Variants in DEUP1 observed in about 807,000 individuals in gnomAD.
DEUP1 encodes the protein deuterosome assembly protein 1.
A neutral mutation model predicts 87.4 loss-of-function variants in DEUP1; 82 were observed. That is an observed-to-expected ratio of 0.94 (90% CI 0.78 to 1.13). The LOEUF (loss-of-function observed/expected upper bound fraction) is 1.13. Ranked by LOEUF, DEUP1 falls within the 50% of genes most tolerant of loss-of-function variation. The pLI is 0.00. For synonymous variants in DEUP1, 214 were observed against 222.7 expected (o/e 0.96, Z 0.35); for missense variants, 663 against 681.5 (o/e 0.97, Z 0.30).
At chr11:93,416,349 T>C (rs570989976) in intron 13 of DEUP1, among the ~76,000 whole-genome samples, 1 of 152,084 alleles carries the variant, frequency 6.6e-6, no homozygotes, top group South Asian at 2.1e-4. Context: ...ATAAAGGGGA[T>C]ATCACCACCG....
chr11:93,357,097 C>T, intron 4 of DEUP1, 54 bp downstream of exon 4: 1 of 1,082,454 alleles, frequency 9.2e-7, no homozygotes, highest in Non-Finnish European at 1.3e-6. Context: ...TTTTTTTTTA[C>T]CTGTAGAGTT....
chr11:93,380,765 T>A (rs1946269414), intron 7 of DEUP1, among the ~76,000 whole-genome samples: 1 of 152,138 alleles, frequency 6.6e-6, no homozygotes, highest in Admixed American at 6.5e-5. Context: ...AGTTTACCAA[T>A]ATTATTTTTT....
At chr11:93,355,591 T>C in intron 3 of DEUP1, 49 bp downstream of exon 3, 1 of 1,455,294 alleles carries the variant, frequency 6.9e-7, no homozygotes, top group South Asian at 1.3e-5. Context: ...GACTGTTACA[T>C]ATAGTATTCT....
chr11:93,430,454 C>T (rs1449295051), intron 13 of DEUP1, among the ~76,000 whole-genome samples: 1 of 152,078 alleles, frequency 6.6e-6, no homozygotes, highest in East Asian at 1.9e-4. Context: ...GGATGAGCCT[C>T]AAAAACATGT....
intron 2 of DEUP1, among the ~76,000 whole-genome samples, chr11:93,348,050 G>GT (rs1944446872): frequency 6.6e-6 from 1 of 152,072 alleles, no homozygotes; most frequent in African/African-American, 2.4e-5. Flanking sequence ...CAGAGATTCA[G>GT]TTTTTTCCTG....
At chr11:93,390,868 G>C (rs1244992389) in intron 9 of DEUP1, among the ~76,000 whole-genome samples, 2 of 152,176 alleles carry the variant, frequency 1.3e-5, no homozygotes, top group Non-Finnish European at 2.9e-5. Context: ...CAGATCACCA[G>C]GTCAGGAGTT....
chr11:93,416,557 A>G (rs1426203713), intron 13 of DEUP1, among the ~76,000 whole-genome samples: 3 of 151,834 alleles, frequency 2.0e-5, no homozygotes, highest in East Asian at 1.9e-4. Context: ...AACCAAAAAG[A>G]GTCCAGGACC....
chr11:93,402,807 AG>A (rs1302116521), intron 11 of DEUP1, among the ~76,000 whole-genome samples: 6 of 151,988 alleles, frequency 3.9e-5, no homozygotes, highest in Non-Finnish European at 1.5e-5. Context: ...CATATGTGGG[AG>A]CTGAAAATGT....
In DEUP1 at chr11:93,405,062, T is replaced by TTA. The variant is rs1555056980; in HGVS notation, c.1327-3169_1327-3168insTA. On this transcript the variant is annotated intron_variant, in intron 11 of 13. Coordinates refer to ENST00000298050, the MANE Select transcript of DEUP1 (RefSeq NM_181645.4). ...TTAATTACTTTAAACCAACATTGGA[T>TTA]AAAAAAAATCACAGATTAAATCTAA... Among the ~76,000 whole-genome samples the TTA allele has an allele frequency of 6.4e-3, 967 of 151,654 alleles. 4 individuals are homozygous for TTA. The highest frequency in any genetic ancestry group is 0.02 in the South Asian group (95 of 4,802).
chr11:93,415,480 C>G (rs1036715788), intron 13 of DEUP1, among the ~76,000 whole-genome samples: 2 of 151,964 alleles, frequency 1.3e-5, no homozygotes, highest in African/African-American at 4.8e-5. Flanking sequence ...TTTAAAACAT[C>G]TTTTCTATTG....
intron 12 of DEUP1, among the ~76,000 whole-genome samples, chr11:93,408,679 G>A (rs1040734180): frequency 5.3e-5 from 8 of 152,132 alleles, no homozygotes; most frequent in Admixed American, 1.3e-4. Context: ...GGAAGCTGAG[G>A]TGGTATACAA....
intron 12 of DEUP1, among the ~76,000 whole-genome samples, chr11:93,414,289 G>A (rs1376609653): frequency 2.6e-5 from 4 of 152,106 alleles, no homozygotes; most frequent in Non-Finnish European, 5.9e-5. Context: ...CAACGCAGGC[G>A]AATCACAAGG....
chr11:93,394,647 A>G lies in DEUP1; in HGVS notation c.1230A>G (p.Ala410=), dbSNP rs748577625. Residue 410 remains alanine (A), a synonymous_variant, in exon 10 of 14, where the codon GCA becomes GCG. Coordinates refer to ENST00000298050, the MANE Select transcript of DEUP1 (RefSeq NM_181645.4). The part of the protein sequence containing the change: ...MELEIKEKML[A]KQKVSDMKYK... ...TAGAAATAAAAGAAAAAATGTTAGC[A>G]AAACAAAAGGTATGCAAGCAGGCAG... The G allele has an allele frequency of 5.6e-6, 9 of 1,609,884 alleles. No homozygotes were observed. In the African/African-American group the frequency reaches 9.4e-5, roughly 17 times the overall value.
At chr11:93,418,136 C>A (rs10831038) in intron 13 of DEUP1, among the ~76,000 whole-genome samples, 125,599 of 151,696 alleles carry the variant, frequency 0.83, 52,100 homozygotes, top group East Asian at 0.91. Context: ...GACTTCATGT[C>A]TAAAACACCA....
intron 7 of DEUP1, among the ~76,000 whole-genome samples, chr11:93,379,604 A>G (rs1161269439): frequency 1.3e-5 from 2 of 152,162 alleles, no homozygotes; most frequent in Non-Finnish European, 2.9e-5. Context: ...GGAAGTAAGA[A>G]GAATCAAACC....
chr11:93,333,978 C>T (rs183651548), intron 2 of DEUP1, among the ~76,000 whole-genome samples: 1 of 152,154 alleles, frequency 6.6e-6, no homozygotes, highest in African/African-American at 2.4e-5. Context: ...AATCCAAGGC[C>T]ATGGAGTCAT....
chr11:93,334,997 T>C (rs17552417), intron 2 of DEUP1, among the ~76,000 whole-genome samples: 8,494 of 152,238 alleles, frequency 0.056, 338 homozygotes, highest in Non-Finnish European at 0.083. Flanking sequence ...GGTTGAAAAA[T>C]GTGCTTCAGT....
chr11:93,417,176 C>A (rs529337680), intron 13 of DEUP1, among the ~76,000 whole-genome samples: 2 of 144,542 alleles, frequency 1.4e-5, no homozygotes, highest in South Asian at 2.4e-4. Context: ...GAAGTTCTGG[C>A]CAGGGCAATT....
intron 13 of DEUP1, among the ~76,000 whole-genome samples, chr11:93,419,400 C>T (rs1016436206): frequency 5.3e-5 from 8 of 152,168 alleles, no homozygotes; most frequent in Non-Finnish European, 1.2e-4. Flanking sequence ...TGTTCTTATG[C>T]TAGTTGAAGT....
Sources: allele counts gnomAD v4.1 joint callset (sites outside exome capture counted in the v4.1 genomes callset), GRCh38; gene constraint gnomAD v4.1.1; transcripts MANE v1.5; gene names NCBI Gene and HGNC (gene_info 2026-07-23, HGNC 2026-07-21).